Variants in DAG1 observed in about 807,000 individuals in gnomAD.
DAG1 encodes dystroglycan 1.
Under a neutral mutation model 46.1 loss-of-function variants are expected in DAG1, and 8 were observed. The ratio of observed to expected loss-of-function variants is 0.17; its 90% CI spans 0.10 to 0.31. The LOEUF is 0.31. DAG1 is among the 10% of genes least tolerant of loss of function. The pLI is 1.00. For missense variants in DAG1, 1,003 were observed against 1,189.9 expected (o/e 0.84, Z 2.31); for synonymous variants, 495 against 481.8 (o/e 1.03, Z -0.36).
intron 1 of DAG1, among the ~76,000 whole-genome samples, chr3:49,475,499 G>T (rs562078289): frequency 6.7e-6 from 1 of 149,114 alleles, no homozygotes; most frequent in South Asian, 2.1e-4. Context: ...CCACCTCCTG[G>T]GTTCATGTGA....
chr3:49,483,712 G>GTT (rs1374085905), intron 1 of DAG1, among the ~76,000 whole-genome samples: 2 of 152,134 alleles, frequency 1.3e-5, no homozygotes, highest in Non-Finnish European at 2.9e-5. Flanking sequence ...GTCTTGCCCT[G>GTT]TTGCCTACCT....
intron 1 of DAG1, 151 bp from the exon 2 acceptor site, chr3:49,510,268 C>A (rs543401258): frequency 1.8e-6 from 1 of 571,024 alleles, no homozygotes; most frequent in Admixed American, 3.2e-5. Context: ...AGGAGTTGCA[C>A]GAAACTGTTG....
chr3:49,508,318 C>T (rs1296599352), intron 1 of DAG1, among the ~76,000 whole-genome samples: 1 of 151,488 alleles, frequency 6.6e-6, no homozygotes, highest in African/African-American at 2.4e-5. Context: ...TCTCCTGCTT[C>T]AGCCTCCCGA....
Position 49,534,544 on chromosome 3 carries a change from A to T in DAG1, c.*1345A>T, listed in dbSNP as rs1202189794. The T allele has an allele frequency of 2.0e-5, 3 of 152,638 alleles. No individual in the cohort carries two copies. Among genetic ancestry groups the T allele is most frequent in the African/African-American group, 7.2e-5 (3 of 41,474 alleles). The allele number at this position is 152,638 out of a possible 1,614,324, so 9.5% of individuals were successfully genotyped here. On this transcript the variant is annotated 3_prime_UTR_variant, in exon 3 of 3. Coordinates refer to ENST00000308775, the MANE Select transcript of DAG1 (RefSeq NM_004393.6). The stretch of plus-strand genomic sequence containing the variant: ...GATTTAAAATGGTGATGCTTACAGC[A>T]GTTTGTACGAGCTCTTAAGTGTTGA...
intron 1 of DAG1, among the ~76,000 whole-genome samples, chr3:49,486,797 T>C (rs1422474158): frequency 1.3e-5 from 2 of 152,168 alleles, no homozygotes; most frequent in Admixed American, 1.3e-4. Context: ...GACACTGCGC[T>C]CAGCCTGATA....
intron 1 of DAG1, among the ~76,000 whole-genome samples, chr3:49,503,481 C>G (rs1412813058): frequency 6.6e-6 from 1 of 152,144 alleles, no homozygotes; most frequent in African/African-American, 2.4e-5. Flanking sequence ...ATTGAAAAAG[C>G]TTTTTCCCAG....
At chr3:49,488,113 T>C (rs1040197487) in intron 1 of DAG1, among the ~76,000 whole-genome samples, 2 of 152,156 alleles carry the variant, frequency 1.3e-5, no homozygotes, top group Non-Finnish European at 2.9e-5. Flanking sequence ...TCCTGTATTA[T>C]CATTCTGGCT....
chr3:49,481,542 A>G (rs2049881794), intron 1 of DAG1, among the ~76,000 whole-genome samples: 1 of 151,486 alleles, frequency 6.6e-6, no homozygotes, highest in Non-Finnish European at 1.5e-5. Flanking sequence ...ACTTGCATGG[A>G]TTTGTGATTT....
At chr3:49,487,616 C>T (rs1010343166) in intron 1 of DAG1, among the ~76,000 whole-genome samples, 7 of 151,604 alleles carry the variant, frequency 4.6e-5, no homozygotes, top group African/African-American at 1.7e-4. Flanking sequence ...CAGAGAGATA[C>T]CTGGGAGGAA....
At chr3:49,486,983 A>G (rs1331076709) in intron 1 of DAG1, among the ~76,000 whole-genome samples, 3 of 151,776 alleles carry the variant, frequency 2.0e-5, no homozygotes, top group Admixed American at 6.6e-5. Flanking sequence ...TCTGCCTCCC[A>G]GGTTGAAGTG....
intron 1 of DAG1, among the ~76,000 whole-genome samples, chr3:49,481,308 A>G (rs1408513400): frequency 6.7e-6 from 1 of 149,792 alleles, no homozygotes; most frequent in African/African-American, 2.4e-5. Flanking sequence ...GAGGCAGGAG[A>G]ATGGCGTGAA....
intron 1 of DAG1, among the ~76,000 whole-genome samples, chr3:49,479,708 GC>G (rs2049811663): frequency 7.9e-6 from 1 of 125,880 alleles, no homozygotes; most frequent in Non-Finnish European, 1.6e-5. Context: ...CTCGATCTCT[GC>G]TCACTGCAAC....
At chr3:49,496,158 G>A (rs572967697) in intron 1 of DAG1, among the ~76,000 whole-genome samples, 16 of 151,958 alleles carry the variant, frequency 1.1e-4, no homozygotes, top group African/African-American at 3.9e-4. Context: ...AAATATTGTG[G>A]CAAAATATAC....
rs189951183 is a variant in DAG1 at position 49,494,609 on chromosome 3, G to T, written c.-116-15810G>T. 2.4e-4 allele frequency among the ~76,000 whole-genome samples: 36 copies of T among 152,032 alleles called. 1 individual carries two copies. In the East Asian group the frequency reaches 6.6e-3, roughly 28 times the overall value. ...CAAAGTGTGAAATCAAGTGATCATTGCCTTTATGCTTGGTGAATTATTATT... is the reference window on the plus strand; with the variant it reads ...CAAAGTGTGAAATCAAGTGATCATTTCCTTTATGCTTGGTGAATTATTATT... On this transcript the variant is annotated intron_variant, in intron 1 of 2. Transcript: ENST00000308775.
intron 1 of DAG1, among the ~76,000 whole-genome samples, chr3:49,481,411 A>C (rs1044086444): frequency 3.3e-5 from 5 of 151,940 alleles, no homozygotes; most frequent in Admixed American, 2.0e-4. Context: ...AAAAAAAAAA[A>C]AAAAAGTGAA....
At chr3:49,494,854 C>T (rs892796142) in intron 1 of DAG1, among the ~76,000 whole-genome samples, 3 of 152,048 alleles carry the variant, frequency 2.0e-5, no homozygotes, top group South Asian at 2.1e-4. Flanking sequence ...AGGATGGTCT[C>T]GATCTCTTGA....
intron 1 of DAG1, among the ~76,000 whole-genome samples, chr3:49,487,782 C>T (rs1488173431): frequency 3.4e-5 from 5 of 147,170 alleles, no homozygotes; most frequent in Non-Finnish European, 7.4e-5. Context: ...TCACTGCAAC[C>T]TCCGCCTCCC....
chr3:49,525,936 C>T (rs1032898757), intron 2 of DAG1, among the ~76,000 whole-genome samples: 8 of 151,180 alleles, frequency 5.3e-5, no homozygotes, highest in South Asian at 2.1e-4. Context: ...CTTCAACCTC[C>T]GCCCTCTGGG....
chr3:49,515,271 ATT>A (rs36072165), intron 2 of DAG1, among the ~76,000 whole-genome samples: 90 of 129,138 alleles, frequency 7.0e-4, no homozygotes, highest in African/African-American at 8.5e-4. Flanking sequence ...TCCCGGGCCT[ATT>A]TTTTTTTTTT....
Sources: gnomAD v4.1 joint callset for allele counts (sites outside exome capture counted in the v4.1 genomes callset) on GRCh38, gnomAD v4.1.1 for gene constraint, MANE v1.5 for transcripts, NCBI Gene and HGNC (gene_info 2026-07-23, HGNC 2026-07-21) for gene names.